Variants in PRRC2B observed in about 807,000 individuals in gnomAD.
PRRC2B encodes the protein protein PRRC2B.
In PRRC2B, 68 loss-of-function variants were observed where a neutral mutation model predicts 242.3. The observed-to-expected ratio is 0.28, with a 90% CI of 0.23 to 0.34. The LOEUF (loss-of-function observed/expected upper bound fraction) is 0.34. Ranked by LOEUF, PRRC2B falls within the 10% of genes least tolerant of loss-of-function variation. The pLI is 1.00. For synonymous variants in PRRC2B, 1,228 were observed against 1,173.6 expected, an observed-to-expected ratio of 1.05 and a Z score of -0.95; for missense variants, 2,835 against 2,954.8, an observed-to-expected ratio of 0.96 and a Z score of 0.94.
intron 22 of PRRC2B, among the ~76,000 whole-genome samples, 157 bp from the exon 23 acceptor site, chr9:131,483,202 G>A (rs1431210791): frequency 6.6e-6 from 1 of 152,166 alleles, no homozygotes. Flanking sequence ...CCTGTGCCGT[G>A]GGGAAAATCT....
chr9:131,411,370 G>A (rs1320983379), intron 1 of PRRC2B, among the ~76,000 whole-genome samples: 9 of 147,946 alleles, frequency 6.1e-5, no homozygotes, highest in East Asian at 2.0e-4. Context: ...TTTTTGAGAC[G>A]GAGTCTTGCT....
At chr9:131,450,668 A>G (rs1942886529) in intron 9 of PRRC2B, among the ~76,000 whole-genome samples, 1 of 151,826 alleles carries the variant, frequency 6.6e-6, no homozygotes, top group Non-Finnish European at 1.5e-5. Context: ...GCTCATTGCA[A>G]CCTCTGCTTC....
chr9:131,476,440 G>C lies in PRRC2B; in HGVS notation c.4311G>C (p.Pro1437=). The change falls in exon 16 of 32, where the codon CCG becomes CCC. Residue 1437 remains proline (P), a synonymous_variant. Transcript: ENST00000683519. ...VVDRQSRKLE[P]GGFGEKPVRP... is the part of the protein sequence containing the mutation. ...ACAGACAGAGCCGAAAGCTGGAGCC[G>C]GGAGGGTTTGGGGAGAAGCCCGTTA... The C allele has an allele frequency of 6.2e-7, 1 of 1,612,848 alleles. No homozygotes were observed. The highest frequency in any genetic ancestry group is 1.3e-5 in the African/African-American group (1 of 75,034).
At chr9:131,479,648 C>G (rs934963205) in intron 19 of PRRC2B, among the ~76,000 whole-genome samples, 9 of 152,208 alleles carry the variant, frequency 5.9e-5, no homozygotes, top group African/African-American at 2.2e-4. Flanking sequence ...GTCTGGTGAT[C>G]TGGAAAAGGA....
At chr9:131,478,399 G>GC in intron 17 of PRRC2B, 75 bp from the exon 18 acceptor site, 1 of 1,410,286 alleles carries the variant, frequency 7.1e-7, no homozygotes, top group Admixed American at 1.8e-5. Context: ...TAGATCTCAG[G>GC]CGCCTGTTGA....
Position 131,438,988 on chromosome 9 carries a change from G to A in PRRC2B, c.397-1G>A. 1 of 1,611,644 alleles carries A rather than the reference G, an allele frequency of 6.2e-7. No homozygotes were observed. Among genetic ancestry groups the A allele is most frequent in the Non-Finnish European group, 8.5e-7 (1 of 1,178,534 alleles). On this transcript the variant is annotated splice_acceptor_variant, in intron 4 of 31. Coordinates refer to ENST00000683519, the MANE Select transcript of PRRC2B (RefSeq NM_013318.4). LOFTEE classifies it high-confidence loss of function. Reference sequence around the variant, plus strand: ...TCTTCTGATTCTCTTCCTTCTTTCAGAATACAAATTCAGTGCCAGGTGGAC... The same window carrying A: ...TCTTCTGATTCTCTTCCTTCTTTCAAAATACAAATTCAGTGCCAGGTGGAC...
intron 12 of PRRC2B, 72 bp downstream of exon 12, chr9:131,465,150 C>G: frequency 7.0e-7 from 1 of 1,421,524 alleles, no homozygotes; most frequent in Non-Finnish European, 9.5e-7. Context: ...CTTGCAACTG[C>G]CTTCCTTCTT....
chr9:131,399,067 G>A (rs1292712801), intron 1 of PRRC2B, among the ~76,000 whole-genome samples: 1 of 150,870 alleles, frequency 6.6e-6, no homozygotes, highest in Non-Finnish European at 1.5e-5. Flanking sequence ...CCTGAGGTCA[G>A]GAATTCAAGA....
chr9:131,474,606 G>A lies in PRRC2B; in HGVS notation c.2477G>A (p.Gly826Asp), dbSNP rs1365367510. 6.8e-6 allele frequency: 11 copies of A among 1,613,868 alleles called. No homozygotes were observed. The Admixed American group carries it at 1.7e-4, about 24-fold the overall frequency. ...FDSCISSQRI[G>D]QELLFPPQEN... ...AGCTGTATCTCTTCTCAAAGAATAG[G>A]CCAGGAGCTTTTGTTTCCACCCCAA... The change falls in exon 16 of 32, where the codon GGC becomes GAC. Residue 826 changes from glycine (G) to aspartate (D), a missense_variant. By Grantham distance (94) the Gly-to-Asp change is moderately conservative. Transcript: ENST00000683519.
upstream of PRRC2B, among the ~76,000 whole-genome samples, chr9:131,391,018 C>T (rs1836894607): frequency 6.6e-6 from 1 of 151,798 alleles, no homozygotes; most frequent in Admixed American, 6.6e-5. Flanking sequence ...AACGCCTGAC[C>T]AAGTGATCTG....
chr9:131,495,282 C>T (rs932042982), intron 31 of PRRC2B, among the ~76,000 whole-genome samples: 4 of 151,834 alleles, frequency 2.6e-5, no homozygotes, highest in Non-Finnish European at 4.4e-5. Flanking sequence ...GGCTGAATCG[C>T]GGCCAGAGAT....
At chr9:131,419,207 T>G (rs1366273235) in intron 1 of PRRC2B, among the ~76,000 whole-genome samples, 1 of 152,204 alleles carries the variant, frequency 6.6e-6, no homozygotes, top group African/African-American at 2.4e-5. Flanking sequence ...TAGTGTGGTT[T>G]AAATTAGTCA....
At chr9:131,427,756 G>A (rs1458067397) in intron 1 of PRRC2B, among the ~76,000 whole-genome samples, 2 of 152,186 alleles carry the variant, frequency 1.3e-5, no homozygotes. Context: ...CCTTGCTTCC[G>A]CAGCTACCAC....
chr9:131,465,059 C>T lies in PRRC2B; in HGVS notation c.1701C>T (p.Asn567=), dbSNP rs750456771. The stretch of plus-strand genomic sequence containing the variant: ...CTGAGAAGGCATCTCCCCAGGAAAA[C>T]GGCCCTGCTGTCCACAAAGGTAAGA... ...PSAEKASPQE[N]GPAVHKGSPE... Residue 567 remains asparagine, a synonymous_variant, in exon 12 of 32, where the codon AAC becomes AAT. Coordinates refer to ENST00000683519, the MANE Select transcript of PRRC2B (RefSeq NM_013318.4). 2.1e-5 allele frequency: 34 copies of T among 1,613,296 alleles called. No homozygotes were observed. The highest frequency in any genetic ancestry group is 4.5e-5 in the East Asian group (2 of 44,892).
At chr9:131,410,581 C>T (rs1837483029) in intron 1 of PRRC2B, among the ~76,000 whole-genome samples, 1 of 152,232 alleles carries the variant, frequency 6.6e-6, no homozygotes, top group Non-Finnish European at 1.5e-5. Context: ...TTTAGACTCA[C>T]TAACTGGATG....
intron 20 of PRRC2B, 28 bp downstream of exon 20, chr9:131,481,836 C>G: frequency 6.5e-7 from 1 of 1,534,906 alleles, no homozygotes; most frequent in African/African-American, 1.4e-5. Flanking sequence ...CCACATGCTG[C>G]CCCTGGGATG....
At chr9:131,485,484 T>C (rs903032405) in intron 25 of PRRC2B, among the ~76,000 whole-genome samples, 3 of 152,058 alleles carry the variant, frequency 2.0e-5, no homozygotes, top group African/African-American at 7.2e-5. Flanking sequence ...TGTCCTCTCC[T>C]CTCTTACATG....
chr9:131,404,605 G>C (rs2994074), intron 1 of PRRC2B, among the ~76,000 whole-genome samples: 142,709 of 152,024 alleles, frequency 0.94, 67,392 homozygotes, highest in East Asian at 1. Context: ...AAAAAAACCA[G>C]TGTGAGGAAG....
At chr9:131,375,124 C>T (rs553409941) in intron 1 of PRRC2B, among the ~76,000 whole-genome samples, 22 of 152,222 alleles carry the variant, frequency 1.4e-4, no homozygotes, top group East Asian at 3.9e-4. Context: ...GGGCACTGGC[C>T]GGGTGCTGTG....
Sources: gnomAD v4.1 joint callset for allele counts (sites outside exome capture counted in the v4.1 genomes callset) on GRCh38, gnomAD v4.1.1 for gene constraint, MANE v1.5 for transcripts, NCBI Gene and HGNC (gene_info 2026-07-23, HGNC 2026-07-21) for gene names.